THADA: variants seen among roughly 807,000 people sequenced by gnomAD.
THADA encodes tRNA (32-2'-O)-methyltransferase regulator THADA.
A neutral mutation model predicts 219.8 loss-of-function variants in THADA; 213 were observed. The ratio of observed to expected loss-of-function variants is 0.97; its 90% CI spans 0.87 to 1.09. The LOEUF is 1.09. Among genes scored for constraint, THADA ranks in the 50% least tolerant of loss-of-function variants. The pLI, the probability that THADA is intolerant of heterozygous loss-of-function variation, is 0.00. For missense variants in THADA, 2,956 were observed against 2,311.3 expected (o/e 1.28, Z -5.72); for synonymous variants, 1,018 against 828.9 (o/e 1.23, Z -3.92).
In THADA at chr2:43,310,233, C is replaced by G. The variant is rs568298631; in HGVS notation, c.4438+10213G>C. 2.1e-3 allele frequency among the ~76,000 whole-genome samples: 271 copies of G among 127,224 alleles called. 4 individuals carry two copies. Among genetic ancestry groups the G allele is most frequent in the African/African-American group, 7.6e-3 (261 of 34,356 alleles). 83.5% of individuals were successfully genotyped at this position (127,224 alleles called of 152,430 possible). The stretch of plus-strand genomic sequence containing the variant: ...TCCCTCCCTCCCTTTCCCGCCCCCC[C>G]CCCAAACAAGCTGATCCTAAAATTC... On this transcript the variant is annotated intron_variant, in intron 31 of 37. Transcript: ENST00000405975.
rs751924524 is a variant in THADA at position 43,231,103 on chromosome 2, T to C, written c.5707A>G (p.Arg1903Gly). 8.7e-6 allele frequency: 14 copies of C among 1,613,860 alleles called. No homozygotes were observed. Among genetic ancestry groups the C allele is most frequent in the Non-Finnish European group, 1.2e-5 (14 of 1,179,888 alleles). Residue 1903 changes from arginine to glycine, a missense_variant, in exon 38 of 38, where the codon AGA (arginine) becomes GGA (glycine). Coordinates refer to ENST00000405975, the MANE Select transcript of THADA (RefSeq NM_022065.5). ...GTCCTTTCCTCTTGAATGCGTAGTC[T>C]TGTGAACTCCACTGTCTTCACAAAC... ...AEFVKTVEFTRLRIQEERTLA... is the reference protein window; with the variant it reads ...AEFVKTVEFTGLRIQEERTLA...
intron 22 of THADA, among the ~76,000 whole-genome samples, chr2:43,527,056 A>G (rs1485513212): frequency 6.6e-6 from 1 of 152,246 alleles, no homozygotes; most frequent in Non-Finnish European, 1.5e-5. Context: ...CATAACTGCC[A>G]AAATGTTTTA....
At chr2:43,585,600 A>C (rs1700943963) in intron 7 of THADA, among the ~76,000 whole-genome samples, 1 of 152,108 alleles carries the variant, frequency 6.6e-6, no homozygotes, top group Non-Finnish European at 1.5e-5. Flanking sequence ...ATAATTGCCC[A>C]GCCAAGGATC....
In THADA at chr2:43,231,344, C is replaced by T. The variant is rs2103996471; in HGVS notation, c.5467-1G>A. 1 of 1,523,346 alleles carries T rather than the reference C, an allele frequency of 6.6e-7. No homozygotes were observed. 94.4% of individuals were successfully genotyped at this position (1,523,346 alleles called of 1,614,324 possible). On this transcript the variant is annotated splice_acceptor_variant, in intron 37 of 37. Transcript: ENST00000405975. LOFTEE classifies it high-confidence loss of function. ...TTTCAAACAGGTAGTCTTCTTCCAC[C>T]TAAATCAGATGAAAAAGCCGAAAGT...
At chr2:43,263,451 T>C (rs1327298698) in intron 36 of THADA, among the ~76,000 whole-genome samples, 1 of 152,036 alleles carries the variant, frequency 6.6e-6, no homozygotes, top group Non-Finnish European at 1.5e-5. Context: ...AGAAGAAAAA[T>C]GTATGTTCTT....
chr2:43,328,870 C>T (rs1444147370), intron 30 of THADA, among the ~76,000 whole-genome samples: 3 of 152,198 alleles, frequency 2.0e-5, no homozygotes, highest in South Asian at 2.1e-4. Context: ...CATGCCTTTG[C>T]CTTTCCCTCC....
intron 36 of THADA, among the ~76,000 whole-genome samples, chr2:43,245,172 C>CTTCTTTTTTTTTTTTT (rs796699945): frequency 1.2e-4 from 12 of 103,144 alleles, no homozygotes; most frequent in African/African-American, 5.5e-4. Flanking sequence ...CTTTCTTCTT[C>CTTCTTTTTTTTTTTTT]TTTTTTTTTT....
At chr2:43,338,574 C>A (rs1666745036) in intron 30 of THADA, among the ~76,000 whole-genome samples, 1 of 152,198 alleles carries the variant, frequency 6.6e-6, no homozygotes, top group African/African-American at 2.4e-5. Context: ...TAGGTCTTGA[C>A]TACTCTATGT....
chr2:43,439,054 T>C (rs1164145409), intron 26 of THADA, among the ~76,000 whole-genome samples: 2 of 152,164 alleles, frequency 1.3e-5, no homozygotes, highest in Admixed American at 1.3e-4. Flanking sequence ...TTATGAACTG[T>C]CTCTTTCTGG....
chr2:43,271,775 C>T (rs1301991603), intron 36 of THADA, among the ~76,000 whole-genome samples: 18 of 151,986 alleles, frequency 1.2e-4, no homozygotes, highest in Admixed American at 3.9e-4. Context: ...CCACCACGCC[C>T]AGCTAATTTT....
At chr2:43,258,896 A>T (rs1670636026) in intron 36 of THADA, among the ~76,000 whole-genome samples, 1 of 152,152 alleles carries the variant, frequency 6.6e-6, no homozygotes, top group African/African-American at 2.4e-5. Flanking sequence ...GGTTAGAAGG[A>T]CTAAAAACAG....
intron 29 of THADA, among the ~76,000 whole-genome samples, chr2:43,390,020 T>A (rs10495900): frequency 0.19 from 28,205 of 152,176 alleles, 3,144 homozygotes; most frequent in Non-Finnish European, 0.26. Flanking sequence ...ACTTAACTTC[T>A]CAATAAATAT....
At chr2:43,280,505 G>A (rs941645648) in intron 35 of THADA, among the ~76,000 whole-genome samples, 4 of 152,080 alleles carry the variant, frequency 2.6e-5, no homozygotes, top group Admixed American at 2.0e-4. Flanking sequence ...GGTGACGGGC[G>A]CCTGTATTCC....
intron 24 of THADA, among the ~76,000 whole-genome samples, chr2:43,503,421 A>G (rs1263112235): frequency 6.6e-6 from 1 of 152,220 alleles, no homozygotes; most frequent in African/African-American, 2.4e-5. Context: ...TTGATTGACA[A>G]AAGCAAAGTA....
chr2:43,344,332 C>T, intron 29 of THADA, 95 bp from the exon 30 acceptor site: 1 of 823,610 alleles, frequency 1.2e-6, no homozygotes, highest in Non-Finnish European at 1.9e-6. Flanking sequence ...ATGTTCCCCT[C>T]AAAGAAAACA....
Position 43,243,523 on chromosome 2 carries a change from C to T in THADA, c.5297-10641G>A, listed in dbSNP as rs577284807. 2.0e-5 allele frequency among the ~76,000 whole-genome samples: 3 copies of T among 152,222 alleles called. No individual in the cohort carries two copies. The South Asian group carries it at 6.2e-4, about 32-fold the overall frequency. On this transcript the variant is annotated intron_variant, in intron 36 of 37. Transcript: ENST00000405975. Reference sequence around the variant, plus strand: ...GTCTCTGTGAGTGCTCAGTCTAGTACGCCGGTCTCTATTTGGGGCAGATGT... The same window carrying T: ...GTCTCTGTGAGTGCTCAGTCTAGTATGCCGGTCTCTATTTGGGGCAGATGT...
At chr2:43,296,739 C>T (rs1241032249) in intron 31 of THADA, among the ~76,000 whole-genome samples, 1 of 152,218 alleles carries the variant, frequency 6.6e-6, no homozygotes, top group Admixed American at 6.5e-5. Context: ...ATCCTTCCTA[C>T]CCACTGCTGC....
Position 43,374,210 on chromosome 2 carries a change from G to A in THADA, c.4227+23761C>T, listed in dbSNP as rs576049623. On this transcript the variant is annotated intron_variant, in intron 29 of 37. Coordinates refer to ENST00000405975, the MANE Select transcript of THADA (RefSeq NM_022065.5). ...ATCAAAAACATGTAATATTCTTGGG[G>A]AAAGCCCAAGAGAATCAACGGAAAA... is the stretch of plus-strand genomic sequence containing the variant. 7.9e-5 allele frequency among the ~76,000 whole-genome samples: 12 copies of A among 152,278 alleles called. No homozygotes were observed. In the South Asian group the frequency reaches 1.0e-3, roughly 13 times the overall value.
At chr2:43,568,034 G>A (rs1429608227) in intron 14 of THADA, among the ~76,000 whole-genome samples, 1 of 151,938 alleles carries the variant, frequency 6.6e-6, no homozygotes, top group Non-Finnish European at 1.5e-5. Context: ...TGGGGGTGGG[G>A]GGGAGAAAAT....
Sources: gnomAD v4.1 joint callset for allele counts (sites outside exome capture counted in the v4.1 genomes callset) on GRCh38, gnomAD v4.1.1 for gene constraint, MANE v1.5 for transcripts, NCBI Gene and HGNC (gene_info 2026-07-23, HGNC 2026-07-21) for gene names.